The following NUP210L variants were observed in gnomAD, a reference collection of about 807,000 sequenced individuals.
The protein encoded by NUP210L is nucleoporin 210 like.
NUP210L carries 74 observed loss-of-function variants against 208.5 expected under a neutral mutation model. The observed-to-expected ratio is 0.35, with a 90% CI of 0.29 to 0.43. The LOEUF (loss-of-function observed/expected upper bound fraction) is 0.43, where lower values mean the gene tolerates loss of function less well. Among genes scored for constraint, NUP210L ranks in the 20% least tolerant of loss-of-function variants. The pLI, the probability that NUP210L is intolerant of heterozygous loss-of-function variation, is 1.00. For missense variants in NUP210L, 1,843 were observed against 2,289.4 expected (o/e 0.81, Z 3.98); for synonymous variants, 780 against 816.9 (o/e 0.95, Z 0.77).
rs1334237419 is a variant in NUP210L, at chr1:154,039,089, C to G, written c.3696+6980G>C. 3.3e-5 allele frequency among the ~76,000 whole-genome samples: 5 copies of G among 152,098 alleles called. No individual in the cohort carries two copies. In the East Asian group the frequency reaches 9.6e-4, roughly 29 times the overall value. ...TATTCTGTGGTTTTCTGTGTACTTA[C>G]TATTACCAGTGAGTTTTGTATCTTC... On this transcript the variant is annotated intron_variant, in intron 27 of 39. Transcript: ENST00000368559.
intron 13 of NUP210L, 104 bp downstream of exon 13, chr1:154,103,908 T>C (rs1656613202): frequency 1.2e-6 from 1 of 844,256 alleles, no homozygotes; most frequent in Non-Finnish European, 1.8e-6. Flanking sequence ...TTCTGAATTG[T>C]TGATTGCTTC....
intron 20 of NUP210L, among the ~76,000 whole-genome samples, chr1:154,060,187 C>T (rs905652225): frequency 3.3e-5 from 5 of 151,990 alleles, no homozygotes; most frequent in Admixed American, 1.3e-4. Context: ...TGCAGTGAGC[C>T]GAGATCGCAC....
At chr1:154,060,479 A>C (rs968589556) in intron 20 of NUP210L, 61 bp downstream of exon 20, 101 of 1,027,606 alleles carry the variant, frequency 9.8e-5, no homozygotes, top group Non-Finnish European at 1.4e-4. Flanking sequence ...GAATTTTTCC[A>C]ATCTCCTCAG....
chr1:154,107,105 A>T (rs1156931436), intron 12 of NUP210L, among the ~76,000 whole-genome samples: 2 of 152,186 alleles, frequency 1.3e-5, no homozygotes, highest in Non-Finnish European at 2.9e-5. Flanking sequence ...CATAAGTTCA[A>T]TGAAATTTAA....
At chr1:154,086,606 T>G (rs1359682671) in intron 16 of NUP210L, among the ~76,000 whole-genome samples, 2 of 150,248 alleles carry the variant, frequency 1.3e-5, no homozygotes, top group African/African-American at 4.9e-5. Context: ...AGGCCAGGAG[T>G]TTGAGACCAG....
At chr1:154,034,768 A>G (rs2147950017) in intron 27 of NUP210L, among the ~76,000 whole-genome samples, 1 of 151,132 alleles carries the variant, frequency 6.6e-6, no homozygotes, top group East Asian at 1.9e-4. Flanking sequence ...AGGTTTTCCA[A>G]TTTATTGGCT....
exon 25 of NUP210L, chr1:154,054,268 GTCTGGA>G: frequency 6.2e-7 from 1 of 1,614,162 alleles, no homozygotes; most frequent in Non-Finnish European, 8.5e-7. Context: ...TTCATTTACT[GTCTGGA>G]TGGTGCCATG....
chr1:154,070,750 A>T (rs1486478734), intron 16 of NUP210L, among the ~76,000 whole-genome samples: 1 of 152,082 alleles, frequency 6.6e-6, no homozygotes, highest in Non-Finnish European at 1.5e-5. Context: ...TGTAGGCATC[A>T]TTGCACTTCA....
chr1:154,039,326 C>T (rs1450211582), intron 27 of NUP210L, among the ~76,000 whole-genome samples: 1 of 151,664 alleles, frequency 6.6e-6, no homozygotes, highest in African/African-American at 2.4e-5. Context: ...CTCCGCCTCC[C>T]GAGTTCAAGC....
At chr1:154,139,843 C>A in exon 5 of NUP210L, 1 of 1,613,918 alleles carries the variant, frequency 6.2e-7, no homozygotes, top group Non-Finnish European at 8.5e-7. Context: ...ACAACAGCAG[C>A]ACCAGTTCTA....
intron 15 of NUP210L, among the ~76,000 whole-genome samples, chr1:154,092,222 C>G (rs1310796576): frequency 2.6e-5 from 4 of 151,086 alleles, no homozygotes; most frequent in Non-Finnish European, 5.9e-5. Flanking sequence ...ACTACAGGCA[C>G]GCGCCACCAC....
chr1:154,108,812 T>A lies in NUP210L; in HGVS notation c.1621-4602A>T, dbSNP rs909956360. ...GATAGAGTGACTGAATAGATTTTTT[T>A]AAAAAAGGCTGAGCACAGTGGCTCA... On this transcript the variant is annotated intron_variant, in intron 12 of 39. Coordinates refer to ENST00000368559, the Ensembl canonical transcript of NUP210L. 7.9e-5 allele frequency among the ~76,000 whole-genome samples: 12 copies of A among 151,646 alleles called. 2 individuals are homozygous for A. The highest frequency in any genetic ancestry group is 2.9e-4 in the African/African-American group (12 of 40,982).
At chr1:153,993,022 T>G (rs762753356) in exon 39 of NUP210L, 12 of 1,613,562 alleles carry the variant, frequency 7.4e-6, no homozygotes, top group Middle Eastern at 1.6e-4. Flanking sequence ...TACCTGGCTG[T>G]GGTGTTCCTA....
At chr1:154,074,153 C>G (rs1233145233) in intron 16 of NUP210L, among the ~76,000 whole-genome samples, 1 of 152,024 alleles carries the variant, frequency 6.6e-6, no homozygotes, top group East Asian at 1.9e-4. Context: ...CTGGAGATCT[C>G]TCCAGTATAA....
chr1:154,058,803 C>G, intron 20 of NUP210L, 110 bp from the exon 21 acceptor site: 1 of 1,052,788 alleles, frequency 9.5e-7, no homozygotes. Flanking sequence ...TTTCTTTGAA[C>G]TGGGGACTCT....
chr1:154,133,080 A>G (rs1658338556), intron 7 of NUP210L, among the ~76,000 whole-genome samples: 1 of 152,196 alleles, frequency 6.6e-6, no homozygotes, highest in African/African-American at 2.4e-5. Flanking sequence ...TATTACTTCT[A>G]CTATTTCCTG....
intron 16 of NUP210L, 81 bp downstream of exon 16, chr1:154,089,340 A>AC: frequency 8.4e-7 from 1 of 1,188,566 alleles, no homozygotes; most frequent in Non-Finnish European, 1.2e-6. Flanking sequence ...CTGGATATAT[A>AC]CCCCAAAGAA....
chr1:154,076,471 A>C (rs1348082586), intron 16 of NUP210L, among the ~76,000 whole-genome samples: 1 of 152,218 alleles, frequency 6.6e-6, no homozygotes, highest in Non-Finnish European at 1.5e-5. Context: ...AGGAAAATAC[A>C]AAAGTGCTAT....
chr1:154,012,180 A>C (rs1400186635), intron 34 of NUP210L, 64 bp downstream of exon 34: 2 of 1,534,522 alleles, frequency 1.3e-6, no homozygotes, highest in African/African-American at 2.8e-5. Context: ...CCAAAGGGAT[A>C]AATGAATTGA....
Sources: allele counts gnomAD v4.1 joint callset (sites outside exome capture counted in the v4.1 genomes callset), GRCh38; gene constraint gnomAD v4.1.1; transcripts MANE v1.5; gene names NCBI Gene and HGNC (gene_info 2026-07-23, HGNC 2026-07-21).